RFX3: variants seen among roughly 807,000 people sequenced by gnomAD.
The protein encoded by RFX3 is transcription factor RFX3.
A neutral mutation model predicts 98.6 loss-of-function variants in RFX3; 14 were observed. The ratio of observed to expected loss-of-function variants is 0.14; its 90% CI spans 0.09 to 0.22. RFX3 has a LOEUF of 0.22. Ranked by LOEUF, RFX3 falls within the 10% of genes least tolerant of loss-of-function variation. The probability of loss-of-function intolerance (pLI) is 1.00; values close to 1 mark genes in which losing one functional copy is unlikely to be tolerated. For synonymous variants in RFX3, 383 were observed against 328.4 expected, an observed-to-expected ratio of 1.17 and a Z score of -1.80; for missense variants, 639 against 926.9, an observed-to-expected ratio of 0.69 and a Z score of 4.03.
intron 1 of RFX3, among the ~76,000 whole-genome samples, chr9:3,418,886 C>T (rs1469713058): frequency 6.6e-6 from 1 of 152,158 alleles, no homozygotes; most frequent in East Asian, 1.9e-4. Flanking sequence ...CCAGTGGAAA[C>T]TTATGTATTA....
intron 2 of RFX3, among the ~76,000 whole-genome samples, chr9:3,364,171 G>A (rs1836786446): frequency 6.6e-6 from 1 of 152,190 alleles, no homozygotes; most frequent in Non-Finnish European, 1.5e-5. Flanking sequence ...ACTGCACCCA[G>A]CCCATTTTCA....
chr9:3,504,515 C>CTATATGGTATATATTGT (rs1564184373), intron 1 of RFX3, among the ~76,000 whole-genome samples: 2 of 72,502 alleles, frequency 2.8e-5, no homozygotes, highest in South Asian at 5.9e-4. Flanking sequence ...GTATATATTG[C>CTATATGGTATATATTGT]ATATAAAATA....
Position 3,441,507 on chromosome 9 carries a change from TGGG to T in RFX3, c.-8-45914_-8-45912del, listed in dbSNP as rs1450105077. The stretch of plus-strand genomic sequence containing the variant: ...TTTGAGAAACGGATGATTCTGGCGC[TGGG>T]GCATAGAAAATAAAAGACTCGGGCA... On this transcript the variant is annotated intron_variant, in intron 1 of 16. Transcript: ENST00000617270. 2.6e-5 allele frequency among the ~76,000 whole-genome samples: 4 copies of T among 152,170 alleles called. No individual in the cohort carries two copies. In the East Asian group the frequency reaches 7.7e-4, roughly 29 times the overall value.
At chr9:3,280,657 T>C (rs1296008590) in intron 7 of RFX3, among the ~76,000 whole-genome samples, 2 of 151,838 alleles carry the variant, frequency 1.3e-5, no homozygotes, top group Non-Finnish European at 1.5e-5. Flanking sequence ...GTAGATTATA[T>C]ATCACTGCTT....
chr9:3,270,524 T>C lies in RFX3; in HGVS notation c.1204A>G (p.Asn402Asp). ...TDGTTITESSNLSEIESRLPK... is the reference protein window; with the variant it reads ...TDGTTITESSDLSEIESRLPK... The stretch of plus-strand genomic sequence containing the variant: ...AGTCGACTTTCTATTTCACTCAGAT[T>C]GCTGGTGTGAATAAATGTAGCAAAT... Residue 402 changes from asparagine to aspartate, a missense_variant and splice_region_variant, in exon 11 of 17, where the codon AAT becomes GAT. By Grantham distance (23) the Asn-to-Asp change is conservative. Transcript: ENST00000617270. 6.2e-7 allele frequency: 1 copy of C among 1,610,928 alleles called. No individual in the cohort carries two copies. Among genetic ancestry groups the C allele is most frequent in the African/African-American group, 1.3e-5 (1 of 74,908 alleles).
intron 4 of RFX3, among the ~76,000 whole-genome samples, chr9:3,320,441 A>G (rs560928761): frequency 7.9e-5 from 12 of 152,046 alleles, no homozygotes; most frequent in Admixed American, 7.9e-4. Context: ...GTACTCAGCT[A>G]CTTGGGAGGA....
intron 1 of RFX3, 31 bp from the exon 2 acceptor site, chr9:3,395,627 A>T (rs1840777769): frequency 6.2e-7 from 1 of 1,607,682 alleles, no homozygotes; most frequent in African/African-American, 1.3e-5. Context: ...ATTAAAGTTT[A>T]AAATGTCACT....
chr9:3,519,771 T>C (rs1587923996), intron 1 of RFX3, among the ~76,000 whole-genome samples: 1 of 152,146 alleles, frequency 6.6e-6, no homozygotes, highest in South Asian at 2.1e-4. Flanking sequence ...TTATTGATAC[T>C]CTAAACACGT....
intron 2 of RFX3, among the ~76,000 whole-genome samples, chr9:3,355,784 G>C (rs1835677955): frequency 6.6e-6 from 1 of 151,734 alleles, no homozygotes; most frequent in Non-Finnish European, 1.5e-5. Context: ...AATAAATGAG[G>C]AATAAAACAA....
intron 1 of RFX3, among the ~76,000 whole-genome samples, chr9:3,429,116 G>A (rs1807911): frequency 0.23 from 33,796 of 149,166 alleles, 6,555 homozygotes; most frequent in African/African-American, 0.53. Context: ...TCCGCCTCCC[G>A]GGTTCATGCC....
intron 12 of RFX3, among the ~76,000 whole-genome samples, chr9:3,265,933 A>G (rs957233965): frequency 1.3e-5 from 2 of 151,910 alleles, no homozygotes; most frequent in African/African-American, 4.8e-5. Flanking sequence ...ATAATTTAGA[A>G]TATATATATC....
At chr9:3,362,991 A>G (rs1463046669) in intron 2 of RFX3, among the ~76,000 whole-genome samples, 2 of 152,234 alleles carry the variant, frequency 1.3e-5, no homozygotes, top group African/African-American at 4.8e-5. Flanking sequence ...TGTGAATCCA[A>G]AGGAACATAG....
At chr9:3,352,398 T>A (rs144039749) in intron 2 of RFX3, among the ~76,000 whole-genome samples, 51 of 152,136 alleles carry the variant, frequency 3.4e-4, no homozygotes, top group African/African-American at 1.2e-3. Flanking sequence ...GAAAAAACTA[T>A]CATCTTTTAT....
intron 2 of RFX3, among the ~76,000 whole-genome samples, chr9:3,393,401 A>G (rs1315763491): frequency 1.3e-5 from 2 of 152,086 alleles, no homozygotes; most frequent in Non-Finnish European, 2.9e-5. Context: ...CTTTTTTTTC[A>G]TGTTTACAGA....
At chr9:3,510,618 T>C (rs1215764910) in intron 1 of RFX3, among the ~76,000 whole-genome samples, 1 of 152,078 alleles carries the variant, frequency 6.6e-6, no homozygotes, top group East Asian at 1.9e-4. Flanking sequence ...AATAAAATTA[T>C]ACTTTGATTT....
rs1029328090 is a variant in RFX3, at chr9:3,460,014, G to A, written c.-8-64418C>T. On this transcript the variant is annotated intron_variant, in intron 1 of 16. Coordinates refer to ENST00000617270, the MANE Select transcript of RFX3 (RefSeq NM_001282116.2). Reference sequence around the variant, plus strand: ...TTAAATAATGATATAGTGACATGATGGAGAAAAAAAAACTTTATTATAACA... The same window carrying A: ...TTAAATAATGATATAGTGACATGATAGAGAAAAAAAAACTTTATTATAACA... Among the ~76,000 whole-genome samples the A allele has an allele frequency of 3.8e-4, 57 of 151,832 alleles. 1 individual carries two copies. Among genetic ancestry groups the A allele is most frequent in the African/African-American group, 1.3e-3 (54 of 41,448 alleles).
chr9:3,433,488 G>A (rs1436364988), intron 1 of RFX3, among the ~76,000 whole-genome samples: 1 of 152,162 alleles, frequency 6.6e-6, no homozygotes, highest in South Asian at 2.1e-4. Flanking sequence ...TAGAAAATAT[G>A]TGTTAATCAA....
intron 1 of RFX3, among the ~76,000 whole-genome samples, chr9:3,472,162 G>T (rs374334524): frequency 1.3e-5 from 2 of 152,160 alleles, no homozygotes; most frequent in Non-Finnish European, 2.9e-5. Flanking sequence ...TCAAGTTATT[G>T]AATGTTATCT....
chr9:3,481,834 T>C (rs1849789836), intron 1 of RFX3, among the ~76,000 whole-genome samples: 1 of 151,832 alleles, frequency 6.6e-6, no homozygotes, highest in Admixed American at 6.6e-5. Flanking sequence ...CAAATTCAAA[T>C]AGATTTATTC....
Sources: allele counts gnomAD v4.1 joint callset (sites outside exome capture counted in the v4.1 genomes callset), GRCh38; gene constraint gnomAD v4.1.1; transcripts MANE v1.5; gene names NCBI Gene and HGNC (gene_info 2026-07-23, HGNC 2026-07-21).